CDC14B: variants seen among roughly 807,000 people sequenced by gnomAD.
CDC14B encodes the protein dual specificity protein phosphatase CDC14B.
In CDC14B, 22 loss-of-function variants were observed where a neutral mutation model predicts 64.2. That is an observed-to-expected ratio of 0.34 (90% CI 0.24 to 0.49). CDC14B has a LOEUF of 0.49. CDC14B is among the 20% of genes least tolerant of loss of function. The pLI, the probability that CDC14B is intolerant of heterozygous loss-of-function variation, is 0.99. For missense variants in CDC14B, 498 were observed against 629.9 expected, an observed-to-expected ratio of 0.79 and a Z score of 2.24; for synonymous variants, 191 against 215.8, an observed-to-expected ratio of 0.89 and a Z score of 1.01.
chr9:96,592,088 T>C (rs1400691666), intron 1 of CDC14B, among the ~76,000 whole-genome samples: 2 of 152,014 alleles, frequency 1.3e-5, no homozygotes, highest in Non-Finnish European at 2.9e-5. Flanking sequence ...AAGGGTTTTT[T>C]TGTTTTCTAA....
chr9:96,493,835 T>G (rs1003953326), intron 13 of CDC14B, among the ~76,000 whole-genome samples: 4 of 152,172 alleles, frequency 2.6e-5, no homozygotes, highest in Non-Finnish European at 5.9e-5. Context: ...TTAAAAAAAG[T>G]GCAGAACTGC....
At chr9:96,590,649 G>C (rs62558794) in intron 1 of CDC14B, among the ~76,000 whole-genome samples, 2 of 146,824 alleles carry the variant, frequency 1.4e-5, no homozygotes, top group East Asian at 3.9e-4. Context: ...TTTATTTCCT[G>C]GTTTTTTTTT....
chr9:96,544,865 T>A (rs1840585020), intron 5 of CDC14B, among the ~76,000 whole-genome samples: 1 of 152,050 alleles, frequency 6.6e-6, no homozygotes, highest in African/African-American at 2.4e-5. Flanking sequence ...CTCTTCCACA[T>A]CCTAGAAAAA....
chr9:96,564,979 C>G (rs1414445252), intron 2 of CDC14B, 127 bp from the exon 3 acceptor site: 10 of 584,918 alleles, frequency 1.7e-5, no homozygotes, highest in Non-Finnish European at 2.9e-5. Flanking sequence ...GCCAATACAA[C>G]TTAAAGGTAC....
chr9:96,607,249 C>T (rs950975462), intron 1 of CDC14B, among the ~76,000 whole-genome samples: 32 of 151,866 alleles, frequency 2.1e-4, no homozygotes, highest in African/African-American at 7.7e-4. Flanking sequence ...AATTTAAGCT[C>T]TAAAAATCTG....
chr9:96,540,074 A>C (rs1839831140), intron 6 of CDC14B, among the ~76,000 whole-genome samples: 1 of 152,260 alleles, frequency 6.6e-6, no homozygotes, highest in East Asian at 1.9e-4. Flanking sequence ...AGACTAAGTC[A>C]ATCACAAAAT....
At chr9:96,580,501 G>T (rs1022220720) in intron 1 of CDC14B, among the ~76,000 whole-genome samples, 5 of 152,300 alleles carry the variant, frequency 3.3e-5, no homozygotes, top group Non-Finnish European at 2.9e-5. Context: ...AAAGTGCTGG[G>T]ATTACAGGCG....
chr9:96,574,367 G>C (rs1368979213), intron 1 of CDC14B, among the ~76,000 whole-genome samples: 1 of 151,990 alleles, frequency 6.6e-6, no homozygotes, highest in East Asian at 1.9e-4. Flanking sequence ...CCATGTTTTT[G>C]GGTGTGGGGG....
chr9:96,527,459 A>C (rs114493345), intron 9 of CDC14B, among the ~76,000 whole-genome samples: 7,932 of 152,232 alleles, frequency 0.052, 699 homozygotes, highest in African/African-American at 0.18. Context: ...TCCTTAGTGT[A>C]AGTTTCTGAA....
At chr9:96,528,679 C>G (rs954958060) in intron 9 of CDC14B, among the ~76,000 whole-genome samples, 4 of 152,198 alleles carry the variant, frequency 2.6e-5, no homozygotes, top group African/African-American at 9.6e-5. Flanking sequence ...ACACCATTTT[C>G]CATAGCAGCT....
rs1440208340 is a variant in CDC14B, at chr9:96,574,849, T to C, written c.161-9366A>G. On this transcript the variant is annotated intron_variant, in intron 1 of 13. Transcript: ENST00000375241. ...AGTATTTAGAATTTACAAAGCACCA[T>C]ACATCAAAGAGAAAAAAGCTAACAC... Among the ~76,000 whole-genome samples, 6 of 151,966 alleles carry C rather than the reference T, an allele frequency of 3.9e-5. No homozygotes were observed. In the East Asian group the frequency reaches 1.2e-3, roughly 29 times the overall value.
intron 1 of CDC14B, among the ~76,000 whole-genome samples, chr9:96,579,607 A>C (rs959356583): frequency 6.6e-6 from 1 of 151,078 alleles, no homozygotes; most frequent in Non-Finnish European, 1.5e-5. Context: ...AAAGGGAGAT[A>C]CCAGAGCACT....
intron 4 of CDC14B, among the ~76,000 whole-genome samples, chr9:96,552,261 G>A (rs1307956660): frequency 6.6e-6 from 1 of 152,186 alleles, no homozygotes; most frequent in Non-Finnish European, 1.5e-5. Context: ...AGACTGGGGT[G>A]AGGTGGAAAG....
chr9:96,576,206 G>C (rs565506727), intron 1 of CDC14B, among the ~76,000 whole-genome samples: 1 of 152,286 alleles, frequency 6.6e-6, no homozygotes, highest in Non-Finnish European at 1.5e-5. Context: ...CTTGAACCCA[G>C]GAGACGGAGG....
intron 9 of CDC14B, among the ~76,000 whole-genome samples, chr9:96,529,427 G>A (rs1838081127): frequency 6.7e-6 from 1 of 150,254 alleles, no homozygotes; most frequent in Non-Finnish European, 1.5e-5. Context: ...CCTATCACTG[G>A]TCTATGTATC....
At chr9:96,573,670 T>C (rs572097280) in intron 1 of CDC14B, among the ~76,000 whole-genome samples, 40 of 152,364 alleles carry the variant, frequency 2.6e-4, no homozygotes, top group African/African-American at 8.2e-4. Context: ...TAAATTTACA[T>C]GTTACATGTA....
intron 1 of CDC14B, among the ~76,000 whole-genome samples, chr9:96,586,056 G>C (rs946752524): frequency 2.0e-5 from 3 of 152,166 alleles, no homozygotes; most frequent in Non-Finnish European, 4.4e-5. Flanking sequence ...GCTTGGGGTA[G>C]TGGGATGACA....
At chr9:96,601,523 C>G (rs983556831) in intron 1 of CDC14B, among the ~76,000 whole-genome samples, 1 of 146,740 alleles carries the variant, frequency 6.8e-6, no homozygotes, top group East Asian at 2.0e-4. Flanking sequence ...AAGGGCCGGG[C>G]GTGGCACACC....
At position 96,518,798 on chromosome 9, in the gene CDC14B, C is replaced by A. The variant is rs567067672; in HGVS notation, c.1343+3708G>T. Among the ~76,000 whole-genome samples the A allele has an allele frequency of 1.6e-4, 25 of 152,308 alleles. 1 individual carries two copies. The South Asian group carries it at 4.8e-3, about 29-fold the overall frequency. ...AATGGCCCGAATGTCCAAGTGTCAG[C>A]ATTATAGATGGTTACTTTTTCCTCT... On this transcript the variant is annotated intron_variant, in intron 12 of 13. Transcript: ENST00000375241.
Sources: gnomAD v4.1 joint callset for allele counts (sites outside exome capture counted in the v4.1 genomes callset) on GRCh38, gnomAD v4.1.1 for gene constraint, MANE v1.5 for transcripts, NCBI Gene and HGNC (gene_info 2026-07-23, HGNC 2026-07-21) for gene names.